The following WDR87 variants were observed in gnomAD, a reference collection of about 807,000 sequenced individuals.
WDR87 encodes the protein WD repeat domain 87.
In WDR87, 56 loss-of-function variants were observed where a neutral mutation model predicts 83.3. The ratio of observed to expected loss-of-function variants is 0.67; its 90% CI spans 0.54 to 0.84. The LOEUF is 0.84. WDR87 is among the 40% of genes least tolerant of loss of function. WDR87 has a pLI of 0.00. For missense variants in WDR87, 2,939 were observed against 3,431.9 expected (o/e 0.86, Z 3.59); for synonymous variants, 1,173 against 1,250.6 (o/e 0.94, Z 1.31).
intron 3 of WDR87, among the ~76,000 whole-genome samples, chr19:37,895,725 C>T (rs557629931): frequency 6.7e-6 from 1 of 149,246 alleles, no homozygotes; most frequent in East Asian, 2.0e-4. Context: ...CAAGATTGCG[C>T]CACTGCACTC....
In WDR87 at chr19:37,888,385, C is replaced by G; in HGVS notation, c.5286G>C (p.Trp1762Cys). Reference sequence around the variant, plus strand: ...CTTTCCAAGACAGTTCTTCCATGTCCCATTCCAGTTCCTCCAATTCCTGGG... The same window carrying G: ...CTTTCCAAGACAGTTCTTCCATGTCGCATTCCAGTTCCTCCAATTCCTGGG... ...ELAQELEELEWDMEELSWKEE... is the reference protein window; with the variant it reads ...ELAQELEELECDMEELSWKEE... Residue 1762 changes from tryptophan (W) to cysteine (C), a missense_variant, in exon 6 of 6, where the codon TGG becomes TGC. Physicochemically the swap from Trp to Cys is radical, Grantham distance 215. This residue lies in a region of WDR87 where 2,160 missense variants were observed against 2,533.1 expected (regional missense o/e 0.85). Coordinates refer to ENST00000447313, the MANE Select transcript of WDR87 (RefSeq NM_001291088.2). The G allele has an allele frequency of 5.2e-6, 8 of 1,552,138 alleles. No individual in the cohort carries two copies. Among genetic ancestry groups the G allele is most frequent in the Non-Finnish European group, 7.0e-6 (8 of 1,147,094 alleles).
At chr19:37,905,047 C>G (rs1377564313) in intron 1 of WDR87, among the ~76,000 whole-genome samples, 5 of 151,792 alleles carry the variant, frequency 3.3e-5, no homozygotes, top group Non-Finnish European at 5.9e-5. Context: ...TCCTGGCTAA[C>G]ATGGTGAAAC....
Position 37,889,768 on chromosome 19 carries a change from T to A in WDR87, c.3903A>T (p.Ser1301=). 6.4e-7 allele frequency: 1 copy of A among 1,551,766 alleles called. No homozygotes were observed. The highest frequency in any genetic ancestry group is 1.2e-5 in the South Asian group (1 of 84,068). ...LRISGSQTKM[S]ENLNAELVTF... ...TCACTAGCTCAGCGTTTAGGTTTTC[T>A]GACATTTTTGTTTGGGAACCAGATA... Residue 1301 remains serine, a synonymous_variant, in exon 6 of 6, where the codon TCA becomes TCT. Transcript: ENST00000447313.
Position 37,887,484 on chromosome 19 carries a change from A to C in WDR87, c.6187T>G (p.Leu2063Val), listed in dbSNP as rs956560861. Residue 2063 changes from leucine (L) to valine (V), a missense_variant, in exon 6 of 6, where the codon TTG becomes GTG. Physicochemically the swap from Leu to Val is conservative, Grantham distance 32 (BLOSUM62 1). Around this residue, in one of 3 missense-constraint regions of WDR87, gnomAD observed 2,160 missense variants for 2,533.1 expected, o/e 0.85. Transcript: ENST00000447313. ...GCAATTTCGCTTTCCTCCATGGCCA[A>C]TATCCTGTCTTCATGTAGCAGTATC... is the stretch of plus-strand genomic sequence containing the variant. ...EKILLHEDRI[L>V]AMEESEIAKG... The C allele has an allele frequency of 6.4e-7, 1 of 1,551,746 alleles. No individual in the cohort carries two copies. Among genetic ancestry groups the C allele is most frequent in the African/African-American group, 1.4e-5 (1 of 73,024 alleles).
In WDR87 at chr19:37,886,599, C is replaced by T; in HGVS notation, c.7072G>A (p.Glu2358Lys). 1 of 1,529,384 alleles carries T rather than the reference C, an allele frequency of 6.5e-7. No homozygotes were observed. The highest frequency in any genetic ancestry group is 8.8e-7 in the Non-Finnish European group (1 of 1,139,274). 94.7% of individuals were successfully genotyped at this position (1,529,384 alleles called of 1,614,324 possible). A position where few individuals can be genotyped will look rare whatever the true frequency, so the allele number is the denominator to read the frequency against. ...TCCTCTTCCTCGTCACTCAAACTTT[C>T]TGTCTCTTCCTCACTCATAATTTCT... is the stretch of plus-strand genomic sequence containing the variant. ...KEEIMSEEETESLSDEEEEEE... is the reference protein window; with the variant it reads ...KEEIMSEEETKSLSDEEEEEE... Residue 2358 changes from glutamate to lysine, a missense_variant, in exon 6 of 6, where the codon GAA (glutamate) becomes AAA (lysine). Around this residue, in one of 3 missense-constraint regions of WDR87, gnomAD observed 2,160 missense variants for 2,533.1 expected, o/e 0.85. Transcript: ENST00000447313.
chr19:37,893,324 T>C lies in WDR87; in HGVS notation c.2379A>G (p.Gln793=), dbSNP rs368098506. The C allele has an allele frequency of 1.1e-4, 174 of 1,551,694 alleles. No individual in the cohort carries two copies. In the African/African-American group the frequency reaches 2.3e-3, roughly 20 times the overall value. ...QCHYVLPPQL[Q]LTSWDGLNPY... is the part of the protein sequence containing the mutation. ...GGTTGAGTCCATCCCAGCTAGTCAG[T>C]TGTAGCTGGGGAGGAAGCACATAAT... The change falls in exon 4 of 6, where the codon CAA becomes CAG. Residue 793 remains glutamine (Q), a synonymous_variant. Coordinates refer to ENST00000447313, the MANE Select transcript of WDR87 (RefSeq NM_001291088.2).
intron 1 of WDR87, among the ~76,000 whole-genome samples, chr19:37,904,397 C>T (rs534253426): frequency 1.3e-4 from 19 of 147,242 alleles, no homozygotes; most frequent in African/African-American, 4.0e-4. Context: ...CTCTGTCTGT[C>T]GCCCAGGCTG....
rs910772721 is a variant in WDR87 at position 37,894,436 on chromosome 19, C to T, written c.1267G>A (p.Glu423Lys). ...VDWAYDPGKE[E>K]LFVATGSSEV... ...GAGCTGCCTGTTGCTACAAAGAGCTCCTCTTTACCTGGGTCGTAGGCCCAA... is the reference window on the plus strand; with the variant it reads ...GAGCTGCCTGTTGCTACAAAGAGCTTCTCTTTACCTGGGTCGTAGGCCCAA... Residue 423 changes from glutamate to lysine, a missense_variant, in exon 4 of 6, where the codon GAG (glutamate) becomes AAG (lysine). This residue lies in a region of WDR87 where 553 missense variants were observed against 577.9 expected (regional missense o/e 0.96). Coordinates refer to ENST00000447313, the MANE Select transcript of WDR87 (RefSeq NM_001291088.2). 20 of 1,551,562 alleles carry T rather than the reference C, an allele frequency of 1.3e-5. No individual in the cohort carries two copies. The highest frequency in any genetic ancestry group is 1.7e-5 in the Non-Finnish European group (19 of 1,146,998).
Position 37,891,754 on chromosome 19 carries a change from G to C in WDR87, c.3192C>G (p.Ile1064Met), listed in dbSNP as rs865953049. Residue 1064 changes from isoleucine (I) to methionine (M), a missense_variant, in exon 5 of 6, where the codon ATC (isoleucine) becomes ATG (methionine). Ile to Met is a conservative substitution (Grantham distance 10). Around this residue, in one of 3 missense-constraint regions of WDR87, gnomAD observed 2,160 missense variants for 2,533.1 expected, o/e 0.85. Coordinates refer to ENST00000447313, the MANE Select transcript of WDR87 (RefSeq NM_001291088.2). ...LLGMRATDLQ[I>M]LSTQVEQRLN... The stretch of plus-strand genomic sequence containing the variant: ...ATCTCTGCTCCACTTGAGTGGAAAG[G>C]ATTTGGAGATCTGTGGCCCGCATCC... 6.4e-7 allele frequency: 1 copy of C among 1,552,218 alleles called. No individual in the cohort carries two copies. The highest frequency in any genetic ancestry group is 8.7e-7 in the Non-Finnish European group (1 of 1,147,110).
chr19:37,891,518 C>T (rs1274982945), intron 5 of WDR87, 34 bp downstream of exon 5: 9 of 1,546,310 alleles, frequency 5.8e-6, no homozygotes, highest in Admixed American at 4.0e-5. Flanking sequence ...CTCTTGGGGA[C>T]CCTGAGGCAC....
At chr19:37,898,849 T>G (rs2046275483) in intron 1 of WDR87, among the ~76,000 whole-genome samples, 1 of 152,178 alleles carries the variant, frequency 6.6e-6, no homozygotes, top group South Asian at 2.1e-4. Flanking sequence ...AAATTTATAG[T>G]CTGGCCAGCA....
intron 5 of WDR87, among the ~76,000 whole-genome samples, chr19:37,890,821 TC>T (rs1319698455): frequency 6.6e-6 from 1 of 152,234 alleles, no homozygotes; most frequent in East Asian, 1.9e-4. Flanking sequence ...AAAAATGTGC[TC>T]TTTTGTGTTT....
Position 37,894,860 on chromosome 19 carries a change from G to A in WDR87, c.843C>T (p.Ala281=). ...QQGHPLHSFQ[A]HQSGVICIRS... is the part of the protein sequence containing the mutation. ...GGATACAGATCACTCCTGATTGATGGGCCTGGAAACTGTGGAGTGGATGGC... is the reference window on the plus strand; with the variant it reads ...GGATACAGATCACTCCTGATTGATGAGCCTGGAAACTGTGGAGTGGATGGC... The change falls in exon 4 of 6, where the codon GCC becomes GCT. Residue 281 remains alanine, a synonymous_variant. Coordinates refer to ENST00000447313, the MANE Select transcript of WDR87 (RefSeq NM_001291088.2). The A allele has an allele frequency of 6.4e-7, 1 of 1,551,730 alleles. No homozygotes were observed. Among genetic ancestry groups the A allele is most frequent in the Non-Finnish European group, 8.7e-7 (1 of 1,146,990 alleles).
intron 1 of WDR87, 134 bp from the exon 2 acceptor site, chr19:37,898,419 C>T: frequency 1.7e-6 from 2 of 1,145,692 alleles, no homozygotes; most frequent in Non-Finnish European, 2.4e-6. Context: ...GACATACCTT[C>T]TCATTTCATC....
intron 1 of WDR87, among the ~76,000 whole-genome samples, chr19:37,898,817 C>T (rs934033523): frequency 7.2e-6 from 1 of 138,936 alleles, no homozygotes; most frequent in Non-Finnish European, 1.7e-5. Context: ...TGCTTTTCAG[C>T]TGCTCTGGAA....
In WDR87 at chr19:37,887,418, C is replaced by CA. The variant is rs747020135; in HGVS notation, c.6252dup (p.Val2085CysfsTer16). The CA allele has an allele frequency of 1.3e-6, 2 of 1,551,638 alleles. No individual in the cohort carries two copies. Among genetic ancestry groups the CA allele is most frequent in the South Asian group, 2.4e-5 (2 of 84,048 alleles). On this transcript the variant is annotated frameshift_variant, in exon 6 of 6. Transcript: ENST00000447313. LOFTEE classifies it low-confidence loss of function (END_TRUNC). ...TTGGCTAACTTTCTTTGCCCCTGGA[C>CA]AAATATTCTCTGTCCTCTAGTAAAT...
Position 37,894,811 on chromosome 19 carries a change from G to A in WDR87, c.892C>T (p.Leu298=). 1 of 1,551,756 alleles carries A rather than the reference G, an allele frequency of 6.4e-7. No individual in the cohort carries two copies. The change falls in exon 4 of 6, where the codon CTG becomes TTG. Residue 298 remains leucine (L), a synonymous_variant. Coordinates refer to ENST00000447313, the MANE Select transcript of WDR87 (RefSeq NM_001291088.2). The part of the protein sequence containing the change: ...CIRSRPEAHT[L]LTAGSDSLIK... ...AGGCTGTCACTACCAGCTGTTAGCA[G>A]GGTGTGGGCCTCTGGTCGGCTGCGG... is the stretch of plus-strand genomic sequence containing the variant.
At chr19:37,898,012 A>G (rs1342908439) in intron 2 of WDR87, among the ~76,000 whole-genome samples, 153 bp downstream of exon 2, 3 of 152,206 alleles carry the variant, frequency 2.0e-5, no homozygotes, top group Non-Finnish European at 4.4e-5. Context: ...ACTCATGGAA[A>G]TTGATGGCCT....
Position 37,891,547 on chromosome 19 carries a change from C to T in WDR87, c.3394+5G>A, listed in dbSNP as rs2046205076. 1.3e-6 allele frequency: 2 copies of T among 1,552,076 alleles called. No individual in the cohort carries two copies. The highest frequency in any genetic ancestry group is 1.7e-6 in the Non-Finnish European group (2 of 1,147,068). ...GAGGCACAGACCAGATTACCCCTTA[C>T]ATACTATGCTTTTTGACCCCTGCTT... is the stretch of plus-strand genomic sequence containing the variant. On this transcript the variant is annotated splice_donor_5th_base_variant and intron_variant, in intron 5 of 5. Coordinates refer to ENST00000447313, the MANE Select transcript of WDR87 (RefSeq NM_001291088.2).
Sources: allele counts gnomAD v4.1 joint callset (sites outside exome capture counted in the v4.1 genomes callset), GRCh38; gene constraint gnomAD v4.1.1; regional missense constraint gnomAD v4.1.1; transcripts MANE v1.5; gene names NCBI Gene and HGNC (gene_info 2026-07-23, HGNC 2026-07-21).